FGFR1: variants seen among roughly 807,000 people sequenced by gnomAD.
FGFR1 encodes the protein fibroblast growth factor receptor 1.
FGFR1 carries 18 observed loss-of-function variants against 93.7 expected under a neutral mutation model. That is an observed-to-expected ratio of 0.19 (90% confidence interval 0.13 to 0.28). The LOEUF (loss-of-function observed/expected upper bound fraction) is 0.28, where lower values mean the gene tolerates loss of function less well. Among genes scored for constraint, FGFR1 ranks in the 10% least tolerant of loss-of-function variants. The pLI, the probability that FGFR1 is intolerant of heterozygous loss-of-function variation, is 1.00. For missense variants in FGFR1, 731 were observed against 1,080.4 expected (o/e 0.68, Z 4.53); for synonymous variants, 448 against 429.3 (o/e 1.04, Z -0.54).
At chr8:38,420,554 C>G (rs757779896) in intron 8 of FGFR1, among the ~76,000 whole-genome samples, 2 of 152,146 alleles carry the variant, frequency 1.3e-5, no homozygotes, top group Non-Finnish European at 2.9e-5. Flanking sequence ...ACTCACCCCC[C>G]ACCCCATTGC....
intron 7 of FGFR1, chr8:38,423,432 T>C (rs1046776554): frequency 3.0e-5 from 12 of 398,600 alleles, no homozygotes; most frequent in Non-Finnish European, 5.5e-5. Flanking sequence ...AGCAGTTAGC[T>C]TGCCTCAGCC....
At chr8:38,427,779 T>G in intron 5 of FGFR1, 142 bp downstream of exon 5, 2 of 862,466 alleles carry the variant, frequency 2.3e-6, no homozygotes, top group Admixed American at 5.0e-5. Flanking sequence ...TTATTTGCAT[T>G]TTTTTGTATT....
chr8:38,432,234 T>G (rs1199561662), intron 2 of FGFR1, among the ~76,000 whole-genome samples: 1 of 152,044 alleles, frequency 6.6e-6, no homozygotes, highest in Non-Finnish European at 1.5e-5. Context: ...CTTGGATCCG[T>G]AACTTCCTGC....
intron 2 of FGFR1, among the ~76,000 whole-genome samples, chr8:38,439,796 C>T (rs1826753649): frequency 6.6e-6 from 1 of 152,210 alleles, no homozygotes; most frequent in Non-Finnish European, 1.5e-5. Context: ...ACTGGCCAAA[C>T]TGCATTCTCC....
intron 2 of FGFR1, among the ~76,000 whole-genome samples, chr8:38,452,344 A>G (rs1406911052): frequency 6.6e-6 from 1 of 152,036 alleles, no homozygotes; most frequent in Non-Finnish European, 1.5e-5. Flanking sequence ...CTTAATACAT[A>G]GATTATAATG....
rs1340189949 is a variant in FGFR1, at chr8:38,426,958, C to G, written c.622-713G>C. On this transcript the variant is annotated intron_variant, in intron 5 of 17. Transcript: ENST00000447712. This position sits in a 1 kb window ranked among gnomAD's most constrained non-coding sequence, Gnocchi z 4.1. Reference sequence around the variant, plus strand: ...GGAAACCCCGTCTCTACTAAAAATACAAAAATTAGCTGGGAATGGTGGCTG... The same window carrying G: ...GGAAACCCCGTCTCTACTAAAAATAGAAAAATTAGCTGGGAATGGTGGCTG... Among the ~76,000 whole-genome samples, 1 of 152,046 alleles carries G rather than the reference C, an allele frequency of 6.6e-6. No homozygotes were observed. Among genetic ancestry groups the G allele is most frequent in the African/African-American group, 2.4e-5 (1 of 41,404 alleles).
intron 2 of FGFR1, 110 bp downstream of exon 2, chr8:38,457,246 G>A (rs2151335428): frequency 1.6e-6 from 2 of 1,247,724 alleles, no homozygotes; most frequent in South Asian, 1.3e-5. Flanking sequence ...GCTCCACTTG[G>A]GAAGGAGCCT....
Position 38,429,387 on chromosome 8 carries a change from C to T in FGFR1, c.358+295G>A, listed in dbSNP as rs1028164689. The T allele has an allele frequency of 1.5e-6, 1 of 676,400 alleles. No homozygotes were observed. Among genetic ancestry groups the T allele is most frequent in the African/African-American group, 1.7e-5 (1 of 57,492 alleles). 41.9% of individuals were successfully genotyped at this position (676,400 alleles called of 1,614,324 possible). On this transcript the variant is annotated intron_variant, in intron 3 of 17. Coordinates refer to ENST00000447712, the MANE Select transcript of FGFR1 (RefSeq NM_023110.3). This position sits in a 1 kb window ranked among gnomAD's most constrained non-coding sequence, Gnocchi z 4.4. ...CCACTTAGCCTCCTGGAGATCTGGG[C>T]AAGCTGTGGTGGAAAAAAATCACAG... is the stretch of plus-strand genomic sequence containing the variant.
chr8:38,416,181 TAG>T, intron 12 of FGFR1, 121 bp from the exon 13 acceptor site: 1 of 808,734 alleles, frequency 1.2e-6, no homozygotes, highest in Non-Finnish European at 2.1e-6. Context: ...TGCCTCCTCT[TAG>T]GGGACCTGGG....
intron 1 of FGFR1, chr8:38,467,614 T>G (rs1415042859): frequency 4.3e-6 from 1 of 234,838 alleles, no homozygotes; most frequent in Admixed American, 5.6e-5. Context: ...TCCTCCCCAG[T>G]CCAGGAAACC....
At chr8:38,464,387 G>A (rs1203372501) in intron 1 of FGFR1, among the ~76,000 whole-genome samples, 1 of 148,744 alleles carries the variant, frequency 6.7e-6, no homozygotes, top group African/African-American at 2.5e-5. Flanking sequence ...CCTTGCTCTT[G>A]AAGACAGGAT....
chr8:38,424,305 T>C lies in FGFR1; in HGVS notation c.936+204A>G, dbSNP rs1246970500. The C allele has an allele frequency of 1.4e-6, 1 of 722,446 alleles. No homozygotes were observed. The highest frequency in any genetic ancestry group is 1.5e-5 in the South Asian group (1 of 66,958). 44.8% of individuals were successfully genotyped at this position (722,446 alleles called of 1,614,324 possible). On this transcript the variant is annotated intron_variant, in intron 7 of 17. Coordinates refer to ENST00000447712, the MANE Select transcript of FGFR1 (RefSeq NM_023110.3). The surrounding 1 kb of genome is among the most constrained non-coding windows in gnomAD (Gnocchi z 4.3). ...CACCACCCATCCCTGCAGCCCTCTG[T>C]TCCCAGCTCACCTCCACTTTGTGAC...
At chr8:38,448,182 T>A (rs1354710203) in intron 2 of FGFR1, among the ~76,000 whole-genome samples, 1 of 152,238 alleles carries the variant, frequency 6.6e-6, no homozygotes, top group African/African-American at 2.4e-5. Flanking sequence ...TGATTGCTTT[T>A]GAATGATGGA....
chr8:38,419,711 A>G lies in FGFR1; in HGVS notation c.1106T>C (p.Met369Thr), dbSNP rs751688900. 3.7e-6 allele frequency: 6 copies of G among 1,614,022 alleles called. No individual in the cohort carries two copies. The African/African-American group carries it at 5.3e-5, about 14-fold the overall frequency. Residue 369 changes from methionine to threonine, a missense_variant, in exon 9 of 18, where the codon ATG (methionine) becomes ACG (threonine). Physicochemically the swap from Met to Thr is moderately conservative, Grantham distance 81. Around this residue, in one of 10 missense-constraint regions of FGFR1, gnomAD observed 146 missense variants for 173.0 expected, o/e 0.84. Transcript: ENST00000447712. ...LEALEERPAV[M>T]TSPLYLEIII... ...GATCTCCAGGTACAGGGGCGAGGTC[A>G]TCACTGCCGGCCTCTCTTCCAGGGC...
intron 2 of FGFR1, among the ~76,000 whole-genome samples, chr8:38,455,813 C>T (rs1452639121): frequency 6.6e-6 from 1 of 152,174 alleles, no homozygotes; most frequent in Admixed American, 6.5e-5. Context: ...TCCCCTCTTC[C>T]TCTGCATTCC....
intron 2 of FGFR1, among the ~76,000 whole-genome samples, chr8:38,444,448 C>T (rs959095175): frequency 2.0e-5 from 3 of 151,058 alleles, no homozygotes; most frequent in African/African-American, 7.3e-5. Flanking sequence ...AAGAACAGTG[C>T]CATGATTTCA....
rs2915665 is a variant in FGFR1 at position 38,429,695 on chromosome 8, G to T, written c.345C>A (p.Ser115=). 3 of 1,569,004 alleles carry T rather than the reference G, an allele frequency of 1.9e-6. No individual in the cohort carries two copies. Among genetic ancestry groups the T allele is most frequent in the South Asian group, 1.2e-5 (1 of 85,382 alleles). Residue 115 remains serine (S), a synonymous_variant, in exon 3 of 18, where the codon TCC becomes TCA. Coordinates refer to ENST00000447712, the MANE Select transcript of FGFR1 (RefSeq NM_023110.3). The surrounding 1 kb of genome is among the most constrained non-coding windows in gnomAD (Gnocchi z 4.4). ...TTGGCTACCAACCTGAAACATTGACGGAGAAGTAGGTGGTGTCACTGCCCG... is the reference window on the plus strand; with the variant it reads ...TTGGCTACCAACCTGAAACATTGACTGAGAAGTAGGTGGTGTCACTGCCCG... ...SPSGSDTTYF[S]VNVSDALPSS...
At chr8:38,447,663 G>C (rs1037373180) in intron 2 of FGFR1, among the ~76,000 whole-genome samples, 1 of 152,094 alleles carries the variant, frequency 6.6e-6, no homozygotes, top group Non-Finnish European at 1.5e-5. Context: ...TGTATTTTTA[G>C]TAGAGAAGGG....
At chr8:38,446,128 GCT>G (rs1236094108) in intron 2 of FGFR1, among the ~76,000 whole-genome samples, 1 of 151,246 alleles carries the variant, frequency 6.6e-6, no homozygotes, top group African/African-American at 2.4e-5. Context: ...TCCTAGGGAA[GCT>G]CTTAGATCAC....
Sources: allele counts gnomAD v4.1 joint callset (sites outside exome capture counted in the v4.1 genomes callset), GRCh38; gene constraint gnomAD v4.1.1; regional missense constraint gnomAD v4.1.1; non-coding constraint Gnocchi (gnomAD v3.1); transcripts MANE v1.5; gene names NCBI Gene and HGNC (gene_info 2026-07-23, HGNC 2026-07-21).